TENM4: variants seen among roughly 807,000 people sequenced by gnomAD.
TENM4 encodes teneurin transmembrane protein 4.
In TENM4, 82 loss-of-function variants were observed where a neutral mutation model predicts 243.3. The observed-to-expected ratio is 0.34, with a 90% CI of 0.28 to 0.40. The LOEUF (loss-of-function observed/expected upper bound fraction) is 0.40. Among genes scored for constraint, TENM4 ranks in the 10% least tolerant of loss-of-function variants. The pLI, the probability that TENM4 is intolerant of heterozygous loss-of-function variation, is 1.00. For missense variants in TENM4, 3,138 were observed against 3,673.3 expected, an observed-to-expected ratio of 0.85 and a Z score of 3.77; for synonymous variants, 1,412 against 1,456.3, an observed-to-expected ratio of 0.97 and a Z score of 0.69.
intron 9 of TENM4, among the ~76,000 whole-genome samples, chr11:78,869,173 G>C (rs1859060769): frequency 6.6e-6 from 1 of 152,048 alleles, no homozygotes; most frequent in Admixed American, 6.6e-5. Flanking sequence ...AAAAATAGGA[G>C]AACGACTTAG....
intron 1 of TENM4, chr11:79,439,141 C>G (rs186654144): frequency 0.018 from 2,605 of 147,482 alleles, 37 homozygotes; most frequent in Non-Finnish European, 0.028. Flanking sequence ...CCCCCCACCC[C>G]GGCGATTGGA....
At chr11:79,090,659 G>T (rs1188101130) in intron 4 of TENM4, among the ~76,000 whole-genome samples, 1 of 152,212 alleles carries the variant, frequency 6.6e-6, no homozygotes, top group East Asian at 1.9e-4. Flanking sequence ...CATCCCCTGT[G>T]CGCCTCTGCC....
intron 1 of TENM4, among the ~76,000 whole-genome samples, chr11:79,403,583 T>C (rs994059638): frequency 1.3e-5 from 2 of 152,150 alleles, no homozygotes; most frequent in Admixed American, 1.3e-4. Context: ...CAAAACTAAA[T>C]TGCAATGCTG....
intron 30 of TENM4, among the ~76,000 whole-genome samples, chr11:78,675,769 A>C (rs1356892530): frequency 6.6e-6 from 1 of 152,166 alleles, no homozygotes; most frequent in Non-Finnish European, 1.5e-5. Context: ...ATTATTGACC[A>C]CTTGCTATGA....
At chr11:79,276,685 T>C (rs1856062355) in intron 2 of TENM4, among the ~76,000 whole-genome samples, 1 of 152,116 alleles carries the variant, frequency 6.6e-6, no homozygotes. Flanking sequence ...TCTCTACAGC[T>C]AGGTTCCAAT....
chr11:79,265,886 C>A (rs1590837795), intron 2 of TENM4, among the ~76,000 whole-genome samples: 1 of 152,220 alleles, frequency 6.6e-6, no homozygotes, highest in African/African-American at 2.4e-5. Context: ...ACCATGGCAA[C>A]TGTCTCAGCT....
In TENM4 at chr11:78,702,170, C is replaced by T; in HGVS notation, c.4443G>A (p.Leu1481=). 1.2e-6 allele frequency: 2 copies of T among 1,613,984 alleles called. No homozygotes were observed. Among genetic ancestry groups the T allele is most frequent in the Non-Finnish European group, 1.7e-6 (2 of 1,179,888 alleles). The change falls in exon 28 of 34, where the codon CTG becomes CTA. Residue 1481 remains leucine (L), a synonymous_variant. Coordinates refer to ENST00000278550, the MANE Select transcript of TENM4 (RefSeq NM_001098816.3). ...TTTTCTCATCAGTCTCAGCAATATA[C>T]AGGACCCCATTGTGTGAAACAGCCA... ...TALAVSHNGV[L]YIAETDEKKI... is the part of the protein sequence containing the mutation.
intron 6 of TENM4, among the ~76,000 whole-genome samples, chr11:78,943,381 C>T (rs552634138): frequency 2.0e-5 from 3 of 152,198 alleles, no homozygotes; most frequent in Admixed American, 1.3e-4. Context: ...AAGGGGTGGG[C>T]GTCAGTGTGA....
chr11:79,092,252 A>G (rs41355447), intron 4 of TENM4, among the ~76,000 whole-genome samples: 4,851 of 152,266 alleles, frequency 0.032, 244 homozygotes, highest in African/African-American at 0.1. Context: ...TTTCAAAGTA[A>G]TGAGTGTACG....
intron 3 of TENM4, among the ~76,000 whole-genome samples, chr11:79,211,221 A>G (rs1863949119): frequency 6.6e-6 from 1 of 152,224 alleles, no homozygotes; most frequent in Admixed American, 6.5e-5. Flanking sequence ...TTCTAGGCCA[A>G]GAGAATACCA....
intron 17 of TENM4, among the ~76,000 whole-genome samples, chr11:78,776,963 T>C (rs1403165185): frequency 1.3e-5 from 2 of 152,104 alleles, no homozygotes; most frequent in Non-Finnish European, 2.9e-5. Context: ...TGCTACTTAT[T>C]AGAAGTGTGA....
intron 4 of TENM4, chr11:79,096,767 A>G (rs1861087355): frequency 6.6e-6 from 1 of 152,594 alleles, no homozygotes; most frequent in African/African-American, 2.4e-5. Flanking sequence ...GCTCCTTGGA[A>G]TATTCTGGCA....
chr11:79,194,911 T>A (rs1358162918), intron 3 of TENM4, among the ~76,000 whole-genome samples: 1 of 152,066 alleles, frequency 6.6e-6, no homozygotes, highest in Non-Finnish European at 1.5e-5. Flanking sequence ...GCCCCTCCCA[T>A]CACAGCCCTG....
chr11:78,898,271 CT>C (rs943972951), intron 7 of TENM4, among the ~76,000 whole-genome samples: 2 of 152,210 alleles, frequency 1.3e-5, no homozygotes, highest in African/African-American at 4.8e-5. Flanking sequence ...AAAGCCCTCT[CT>C]CTTCTTCATC....
At chr11:79,317,918 C>A (rs1856828780) in intron 1 of TENM4, among the ~76,000 whole-genome samples, 1 of 152,152 alleles carries the variant, frequency 6.6e-6, no homozygotes, top group African/African-American at 2.4e-5. Context: ...GATGGTCACT[C>A]ACAGAGAGGG....
At chr11:78,712,776 T>A in intron 25 of TENM4, 62 bp from the exon 26 acceptor site, 1 of 1,465,538 alleles carries the variant, frequency 6.8e-7, no homozygotes, top group Non-Finnish European at 9.5e-7. Flanking sequence ...TAGCTGGAGA[T>A]GTACAGATGA....
intron 1 of TENM4, among the ~76,000 whole-genome samples, chr11:79,384,408 A>G (rs1264145837): frequency 6.6e-6 from 1 of 152,088 alleles, no homozygotes; most frequent in Non-Finnish European, 1.5e-5. Flanking sequence ...CCTTCCCTCC[A>G]GTCAGGGACA....
intron 12 of TENM4, among the ~76,000 whole-genome samples, chr11:78,853,535 G>T (rs937020039): frequency 6.6e-6 from 1 of 152,136 alleles, no homozygotes; most frequent in African/African-American, 2.4e-5. Context: ...TCGCACATCA[G>T]GGCCCACTCT....
At chr11:79,015,482 G>A (rs943382650) in intron 6 of TENM4, among the ~76,000 whole-genome samples, 1 of 148,426 alleles carries the variant, frequency 6.7e-6, no homozygotes, top group African/African-American at 2.6e-5. Context: ...CATTTAGTGT[G>A]TGTGTGTGTG....
Sources: allele counts gnomAD v4.1 joint callset (sites outside exome capture counted in the v4.1 genomes callset), GRCh38; gene constraint gnomAD v4.1.1; transcripts MANE v1.5; gene names NCBI Gene and HGNC (gene_info 2026-07-23, HGNC 2026-07-21).